The following PSD3 variants were observed in gnomAD, a reference collection of about 807,000 sequenced individuals.
PSD3 encodes pleckstrin and Sec7 domain containing 3.
A neutral mutation model predicts 105.5 loss-of-function variants in PSD3; 49 were observed. That is an observed-to-expected ratio of 0.46 (90% CI 0.37 to 0.59). PSD3 has a LOEUF of 0.59. PSD3 is among the 20% of genes least tolerant of loss of function. The pLI, the probability that PSD3 is intolerant of heterozygous loss-of-function variation, is 0.00. For missense variants in PSD3, 1,561 were observed against 1,263.8 expected (o/e 1.24, Z -3.57); for synonymous variants, 557 against 457.8 (o/e 1.22, Z -2.77).
At chr8:18,882,643 TTCTC>T (rs1017813042) in intron 2 of PSD3, among the ~76,000 whole-genome samples, 15 of 152,138 alleles carry the variant, frequency 9.9e-5, no homozygotes, top group South Asian at 2.1e-4. Context: ...CTCAATGGAT[TTCTC>T]TCTAACACTG....
chr8:18,974,689 A>G (rs1384227558), intron 1 of PSD3, among the ~76,000 whole-genome samples: 1 of 151,944 alleles, frequency 6.6e-6, no homozygotes, highest in African/African-American at 2.4e-5. Context: ...AAAAAACAAA[A>G]AACAGTGAAG....
At chr8:18,834,299 T>A (rs978175814) in intron 4 of PSD3, among the ~76,000 whole-genome samples, 4 of 152,198 alleles carry the variant, frequency 2.6e-5, no homozygotes, top group African/African-American at 9.7e-5. Context: ...AAAATTAAAA[T>A]GATAAATGGA....
In PSD3 at chr8:18,621,235, G is replaced by A. The variant is rs559887685; in HGVS notation, c.2410+11378C>T. Among the ~76,000 whole-genome samples, 4 of 152,144 alleles carry A rather than the reference G, an allele frequency of 2.6e-5. No homozygotes were observed. In the East Asian group the frequency reaches 5.8e-4, roughly 22 times the overall value. On this transcript the variant is annotated intron_variant, in intron 11 of 15. Transcript: ENST00000327040. ...CCAGCCTGGCCAACACAGCAAAACC[G>A]CTTCTCTACTAAAAACACAAAAATT...
At chr8:18,801,080 G>T in intron 7 of PSD3, 190 bp downstream of exon 7, 1 of 419,930 alleles carries the variant, frequency 2.4e-6, no homozygotes, top group Non-Finnish European at 4.3e-6. Flanking sequence ...TAAAAAGGCA[G>T]CTAAAAACAA....
intron 1 of PSD3, among the ~76,000 whole-genome samples, chr8:18,987,293 T>A (rs867845144): frequency 8.4e-4 from 124 of 147,274 alleles, no homozygotes; most frequent in African/African-American, 1.4e-3. Flanking sequence ...TTTTTTTTTA[T>A]ATATATTTTT....
chr8:18,819,596 T>TTTTTTA (rs59004555), intron 4 of PSD3, among the ~76,000 whole-genome samples: 1 of 144,376 alleles, frequency 6.9e-6, no homozygotes, highest in Non-Finnish European at 1.5e-5. Context: ...TTTTTTTTTT[T>TTTTTTA]GAGATGGAGT....
chr8:18,752,524 ATATAAT>A (rs1563225083), intron 9 of PSD3, among the ~76,000 whole-genome samples: 835 of 73,528 alleles, frequency 0.011, 38 homozygotes, highest in African/African-American at 0.066. Flanking sequence ...TATGTAATAT[ATATAAT>A]TATATATTAT....
intron 2 of PSD3, among the ~76,000 whole-genome samples, chr8:18,933,013 G>C (rs767125903): frequency 1.1e-4 from 16 of 152,202 alleles, no homozygotes; most frequent in Non-Finnish European, 1.8e-4. Context: ...TAAAGAATAA[G>C]AAACTTATGA....
intron 1 of PSD3, among the ~76,000 whole-genome samples, chr8:19,078,734 CA>C (rs1586702094): frequency 6.6e-6 from 1 of 151,876 alleles, no homozygotes; most frequent in Non-Finnish European, 1.5e-5. Flanking sequence ...CCCAGGGATG[CA>C]GGCCTAAGAG....
chr8:19,065,280 C>T (rs758294127), intron 1 of PSD3, among the ~76,000 whole-genome samples: 2 of 152,114 alleles, frequency 1.3e-5, no homozygotes, highest in Non-Finnish European at 2.9e-5. Flanking sequence ...TGTGACCAAA[C>T]GTGTGTGTGG....
chr8:18,847,989 A>G (rs1247119494), intron 4 of PSD3, among the ~76,000 whole-genome samples: 1 of 152,208 alleles, frequency 6.6e-6, no homozygotes, highest in African/African-American at 2.4e-5. Context: ...AAGAATGTTG[A>G]AGATAAAGCA....
intron 11 of PSD3, among the ~76,000 whole-genome samples, chr8:18,624,495 A>G (rs994410479): frequency 7.0e-5 from 9 of 128,338 alleles, no homozygotes; most frequent in Admixed American, 3.9e-4. Flanking sequence ...ATGAGAACAC[A>G]TGGACACAGG....
At chr8:18,556,521 T>G (rs1431154463) in intron 14 of PSD3, among the ~76,000 whole-genome samples, 169 bp from the exon 15 acceptor site, 2 of 152,198 alleles carry the variant, frequency 1.3e-5, no homozygotes, top group Admixed American at 6.6e-5. Flanking sequence ...TGTCCACATA[T>G]TTCATATATT....
At chr8:18,538,136 C>T (rs768167383) in intron 15 of PSD3, among the ~76,000 whole-genome samples, 2 of 152,322 alleles carry the variant, frequency 1.3e-5, no homozygotes, top group East Asian at 1.9e-4. Context: ...CTGGATCCAA[C>T]CCTAAGGCTA....
intron 4 of PSD3, among the ~76,000 whole-genome samples, chr8:18,842,397 T>C (rs976881221): frequency 4.6e-5 from 7 of 152,278 alleles, no homozygotes; most frequent in Middle Eastern, 3.2e-3. Flanking sequence ...TGGTTCTCTT[T>C]GAGAGCAATC....
intron 12 of PSD3, among the ~76,000 whole-genome samples, chr8:18,580,488 T>C (rs1802742340): frequency 2.6e-5 from 4 of 152,024 alleles, no homozygotes; most frequent in African/African-American, 9.7e-5. Flanking sequence ...AGGTCAAAGC[T>C]GCAGTGAACT....
intron 1 of PSD3, among the ~76,000 whole-genome samples, chr8:19,042,569 G>A (rs751217): frequency 0.71 from 107,925 of 152,198 alleles, 38,967 homozygotes; most frequent in African/African-American, 0.86. Flanking sequence ...CTGGATACCA[G>A]TGAAATTTGT....
At position 18,916,349 on chromosome 8, in the gene PSD3, T is replaced by TACACACAC. The variant is rs1216820670; in HGVS notation, c.130+19677_130+19684dup. On this transcript the variant is annotated intron_variant, in intron 2 of 15. Coordinates refer to ENST00000327040, the MANE Select transcript of PSD3 (RefSeq NM_015310.4). ...ATATATATATATATATATATATATATACACACACACACACACACACACACA... is the reference window on the plus strand; with the variant it reads ...ATATATATATATATATATATATATATACACACACACACACACACACACACACACACACA... Among the ~76,000 whole-genome samples, 368 of 44,540 alleles carry TACACACAC rather than the reference T, an allele frequency of 8.3e-3. 11 individuals carry two copies. Among genetic ancestry groups the TACACACAC allele is most frequent in the Middle Eastern group, 0.015 (1 of 66 alleles). The allele number at this position is 44,540 out of a possible 152,430, so 29.2% of individuals were successfully genotyped here. A position where few individuals can be genotyped will look rare whatever the true frequency, so the allele number is the denominator to read the frequency against.
At chr8:19,062,367 C>G (rs1038421845) in intron 1 of PSD3, among the ~76,000 whole-genome samples, 1 of 152,102 alleles carries the variant, frequency 6.6e-6, no homozygotes, top group African/African-American at 2.4e-5. Context: ...CCTTAGAATG[C>G]TTACAGTTGA....
Sources: gnomAD v4.1 joint callset for allele counts (sites outside exome capture counted in the v4.1 genomes callset) on GRCh38, gnomAD v4.1.1 for gene constraint, MANE v1.5 for transcripts, NCBI Gene and HGNC (gene_info 2026-07-23, HGNC 2026-07-21) for gene names.